Variants in ADAMTS3 observed in about 807,000 individuals in gnomAD.
ADAMTS3 encodes A disintegrin and metalloproteinase with thrombospondin motifs 3.
A neutral mutation model predicts 129.0 loss-of-function variants in ADAMTS3; 73 were observed. The observed-to-expected ratio is 0.57, with a 90% CI of 0.47 to 0.69. The LOEUF (loss-of-function observed/expected upper bound fraction) is 0.69, where lower values mean the gene tolerates loss of function less well. Ranked by LOEUF, ADAMTS3 falls within the 30% of genes least tolerant of loss-of-function variation. The pLI is 0.00. For missense variants in ADAMTS3, 1,457 were observed against 1,514.5 expected, an observed-to-expected ratio of 0.96 and a Z score of 0.63; for synonymous variants, 477 against 510.8, an observed-to-expected ratio of 0.93 and a Z score of 0.89.
intron 3 of ADAMTS3, among the ~76,000 whole-genome samples, chr4:72,478,699 T>C (rs1719320638): frequency 6.6e-6 from 1 of 151,298 alleles, no homozygotes; most frequent in South Asian, 2.1e-4. Flanking sequence ...CCAGGGCAAT[T>C]AGGCAGGAGA....
chr4:72,305,219 TC>T (rs1362465507), intron 16 of ADAMTS3, among the ~76,000 whole-genome samples: 1 of 151,980 alleles, frequency 6.6e-6, no homozygotes, highest in Admixed American at 6.6e-5. Context: ...TGTAATCGTC[TC>T]ATAAAAGAAA....
intron 3 of ADAMTS3, among the ~76,000 whole-genome samples, chr4:72,465,158 G>A (rs949735527): frequency 6.6e-6 from 1 of 151,962 alleles, no homozygotes; most frequent in Non-Finnish European, 1.5e-5. Flanking sequence ...TGAGATGGAG[G>A]GGCAGGTATC....
At chr4:72,567,239 A>T (rs1722039813) in intron 2 of ADAMTS3, 135 bp downstream of exon 2, 2 of 870,084 alleles carry the variant, frequency 2.3e-6, no homozygotes, top group Admixed American at 5.0e-5. Flanking sequence ...AGAGAAGAAC[A>T]GAAATGTTTC....
At chr4:72,537,698 C>T (rs1241163425) in intron 3 of ADAMTS3, among the ~76,000 whole-genome samples, 1 of 152,088 alleles carries the variant, frequency 6.6e-6, no homozygotes, top group Non-Finnish European at 1.5e-5. Flanking sequence ...CTATTAGGTT[C>T]AGAAGCTCAA....
rs1560466904 is a variant in ADAMTS3, at chr4:72,309,528, G to A, written c.2056-8C>T. 9 of 1,610,814 alleles carry A rather than the reference G, an allele frequency of 5.6e-6. No homozygotes were observed. Among genetic ancestry groups the A allele is most frequent in the African/African-American group, 1.3e-5 (1 of 74,868 alleles). On this transcript the variant is annotated splice_polypyrimidine_tract_variant and splice_region_variant and intron_variant, in intron 14 of 21. Transcript: ENST00000286657. The stretch of plus-strand genomic sequence containing the variant: ...TTTATCACAGCCCACTTTCTGGAGA[G>A]AGAAGATGTCAAATGTGGCTAATTT...
At chr4:72,328,285 T>C (rs1316160906) in intron 5 of ADAMTS3, among the ~76,000 whole-genome samples, 1 of 152,154 alleles carries the variant, frequency 6.6e-6, no homozygotes, top group African/African-American at 2.4e-5. Flanking sequence ...GAGGAAAAGG[T>C]AAAATCAAAT....
chr4:72,530,762 TA>T (rs1721013614), intron 3 of ADAMTS3, among the ~76,000 whole-genome samples: 1 of 3,942 alleles, frequency 2.5e-4, no homozygotes, highest in Non-Finnish European at 4.9e-4. Context: ...TTATATATTA[TA>T]TAGATTATAT....
chr4:72,539,896 C>T (rs1721278730), intron 3 of ADAMTS3, among the ~76,000 whole-genome samples: 1 of 152,170 alleles, frequency 6.6e-6, no homozygotes, highest in African/African-American at 2.4e-5. Flanking sequence ...TCCAATTAAA[C>T]CTCTTTCTTT....
intron 3 of ADAMTS3, among the ~76,000 whole-genome samples, chr4:72,480,299 C>T (rs368263872): frequency 2.6e-5 from 4 of 152,072 alleles, no homozygotes; most frequent in East Asian, 1.9e-4. Flanking sequence ...CCAACCCAAA[C>T]GTCCAACAAT....
At chr4:72,408,977 G>A (rs755908829) in intron 4 of ADAMTS3, among the ~76,000 whole-genome samples, 1 of 152,026 alleles carries the variant, frequency 6.6e-6, no homozygotes, top group African/African-American at 2.4e-5. Context: ...GTGATGGGTT[G>A]AGGGGTGCAA....
Position 72,283,439 on chromosome 4 carries a change from G to A in ADAMTS3, c.3315C>T (p.Ser1105=). Residue 1105 remains serine, a synonymous_variant, in exon 22 of 22, where the codon AGC becomes AGT. Coordinates refer to ENST00000286657, the MANE Select transcript of ADAMTS3 (RefSeq NM_014243.3). ...ETPAKKMSLS[S]ISSVGGPNAY... Reference sequence around the variant, plus strand: ...CATTTGGACCTCCCACTGAAGAGATGCTACTCAAAGACATCTTCTTTGCAG... The same window carrying A: ...CATTTGGACCTCCCACTGAAGAGATACTACTCAAAGACATCTTCTTTGCAG... The A allele has an allele frequency of 6.2e-7, 1 of 1,614,062 alleles. No individual in the cohort carries two copies. Among genetic ancestry groups the A allele is most frequent in the Non-Finnish European group, 8.5e-7 (1 of 1,179,980 alleles).
intron 2 of ADAMTS3, among the ~76,000 whole-genome samples, chr4:72,553,918 C>A (rs1721702769): frequency 6.6e-6 from 1 of 152,076 alleles, no homozygotes. Context: ...TTCTATTTCT[C>A]AACTTGTTCA....
At chr4:72,311,404 G>T (rs992915758) in intron 13 of ADAMTS3, among the ~76,000 whole-genome samples, 1 of 151,976 alleles carries the variant, frequency 6.6e-6, no homozygotes, top group Non-Finnish European at 1.5e-5. Flanking sequence ...CTAGAAAAGG[G>T]GTTCTAGTAA....
intron 3 of ADAMTS3, among the ~76,000 whole-genome samples, chr4:72,547,480 A>G (rs965311116): frequency 1.3e-5 from 2 of 152,152 alleles, no homozygotes. Context: ...TCTTTGATAA[A>G]GCCTATGTTA....
chr4:72,483,320 T>C (rs1719490276), intron 3 of ADAMTS3, among the ~76,000 whole-genome samples: 1 of 152,186 alleles, frequency 6.6e-6, no homozygotes, highest in South Asian at 2.1e-4. Context: ...ACTTCCAAAA[T>C]TGGTGAATTT....
chr4:72,298,492 T>C, intron 17 of ADAMTS3, 50 bp from the exon 18 acceptor site: 1 of 1,406,510 alleles, frequency 7.1e-7, no homozygotes. Flanking sequence ...GTTTTAAATT[T>C]TGAGTGTAAA....
chr4:72,531,633 G>T (rs1181253821), intron 3 of ADAMTS3, among the ~76,000 whole-genome samples: 1 of 152,134 alleles, frequency 6.6e-6, no homozygotes, highest in Non-Finnish European at 1.5e-5. Context: ...GACAACTGAA[G>T]ATCTTAGGCT....
At chr4:72,533,740 A>G (rs187978801) in intron 3 of ADAMTS3, among the ~76,000 whole-genome samples, 1,518 of 123,300 alleles carry the variant, frequency 0.012, 21 homozygotes, top group South Asian at 0.072. Flanking sequence ...TTAGGAGACA[A>G]GCTGAAACAT....
chr4:72,478,178 T>C (rs1719299046), intron 3 of ADAMTS3, among the ~76,000 whole-genome samples: 2 of 152,082 alleles, frequency 1.3e-5, no homozygotes, highest in Admixed American at 6.6e-5. Flanking sequence ...GGGAATCTTC[T>C]CTAACTCATT....
Sources: gnomAD v4.1 joint callset for allele counts (sites outside exome capture counted in the v4.1 genomes callset) on GRCh38, gnomAD v4.1.1 for gene constraint, MANE v1.5 for transcripts, NCBI Gene and HGNC (gene_info 2026-07-23, HGNC 2026-07-21) for gene names.